PALLD: variants seen among roughly 807,000 people sequenced by gnomAD.
PALLD encodes palladin, cytoskeletal associated protein, also known as palladin.
PALLD carries 61 observed loss-of-function variants against 123.5 expected under a neutral mutation model. The observed-to-expected ratio is 0.49, with a 90% confidence interval of 0.40 to 0.61. PALLD has a LOEUF of 0.61. Ranked by LOEUF, PALLD falls within the 20% of genes least tolerant of loss-of-function variation. PALLD has a pLI of 0.00. For synonymous variants in PALLD, 465 were observed against 496.4 expected, an observed-to-expected ratio of 0.94 and a Z score of 0.84; for missense variants, 1,273 against 1,377.0, an observed-to-expected ratio of 0.92 and a Z score of 1.20.
intron 10 of PALLD, among the ~76,000 whole-genome samples, chr4:168,752,940 AGAG>A (rs551000322): frequency 2.8e-4 from 42 of 152,324 alleles, no homozygotes; most frequent in Admixed American, 2.6e-3. Context: ...AAGAGAAACA[AGAG>A]GAGGAGAAGA....
intron 10 of PALLD, among the ~76,000 whole-genome samples, chr4:168,737,815 G>A (rs1327175869): frequency 2.0e-5 from 3 of 152,216 alleles, no homozygotes; most frequent in Non-Finnish European, 4.4e-5. Flanking sequence ...TCCAAAGGGC[G>A]TAGCTTAGTA....
chr4:168,889,146 G>GTGTGTGTGTGTGTC (rs1174043034), intron 10 of PALLD, among the ~76,000 whole-genome samples: 7 of 146,942 alleles, frequency 4.8e-5, no homozygotes, highest in African/African-American at 1.8e-4. Context: ...TTTTGTGTGT[G>GTGTGTGTGTGTGTC]TGTGTGTGTG....
chr4:168,759,179 CAAAAAAAA>C (rs1175955888), intron 10 of PALLD, among the ~76,000 whole-genome samples: 8 of 9,038 alleles, frequency 8.9e-4, no homozygotes, highest in Middle Eastern at 0.25. Flanking sequence ...GACTCCATCT[CAAAAAAAA>C]AAAAAAAAAA....
At chr4:168,747,971 C>T (rs1041034656) in intron 10 of PALLD, among the ~76,000 whole-genome samples, 1 of 152,206 alleles carries the variant, frequency 6.6e-6, no homozygotes, top group Non-Finnish European at 1.5e-5. Flanking sequence ...TCAATTCCCA[C>T]TTCACATTCC....
intron 10 of PALLD, among the ~76,000 whole-genome samples, chr4:168,761,645 GTTTTTTTTTT>G (rs70961555): frequency 1.5e-4 from 13 of 88,018 alleles, no homozygotes; most frequent in Non-Finnish European, 2.7e-4. Context: ...GTTGTTGTTT[GTTTTTTTTTT>G]TTTTTTTTTT....
intron 2 of PALLD, among the ~76,000 whole-genome samples, chr4:168,600,069 G>GTGTACACACA (rs1561291249): frequency 6.9e-6 from 1 of 144,520 alleles, no homozygotes; most frequent in Non-Finnish European, 1.5e-5. Flanking sequence ...ACATACATGT[G>GTGTACACACA]TATACACACA....
intron 10 of PALLD, among the ~76,000 whole-genome samples, chr4:168,835,903 G>A (rs1229445273): frequency 6.6e-6 from 1 of 152,128 alleles, no homozygotes; most frequent in African/African-American, 2.4e-5. Flanking sequence ...ACCCATTCTT[G>A]TAGAAAAGAC....
intron 2 of PALLD, among the ~76,000 whole-genome samples, chr4:168,595,413 CA>C (rs1413832779): frequency 1.3e-5 from 2 of 152,056 alleles, no homozygotes; most frequent in African/African-American, 2.4e-5. Context: ...TGGTGGGGCC[CA>C]GGGGTCTTCT....
intron 2 of PALLD, among the ~76,000 whole-genome samples, chr4:168,582,892 TAAATG>T (rs1770436809): frequency 1.3e-5 from 2 of 152,208 alleles, no homozygotes; most frequent in Non-Finnish European, 2.9e-5. Flanking sequence ...CAGTGCCTGA[TAAATG>T]AAAGGCTTTG....
intron 2 of PALLD, among the ~76,000 whole-genome samples, chr4:168,557,278 A>G (rs980049103): frequency 3.9e-5 from 6 of 152,114 alleles, no homozygotes; most frequent in South Asian, 2.1e-4. Context: ...TCGTGACCTC[A>G]GGTGATCTGC....
chr4:168,922,888 C>T (rs1761855905), intron 18 of PALLD, among the ~76,000 whole-genome samples: 1 of 152,194 alleles, frequency 6.6e-6, no homozygotes, highest in African/African-American at 2.4e-5. Context: ...TAATTGGAAG[C>T]AAAGTCTTTG....
At position 168,734,827 on chromosome 4, in the gene PALLD, G is replaced by A. The variant is rs184688019; in HGVS notation, c.1964+22904G>A. Reference sequence around the variant, plus strand: ...TAGTCCCAGCTACTTGAGAGGCTGAGACAGGAAGATCACTTGAGCCCAGGA... The same window carrying A: ...TAGTCCCAGCTACTTGAGAGGCTGAAACAGGAAGATCACTTGAGCCCAGGA... On this transcript the variant is annotated intron_variant, in intron 10 of 21. Transcript: ENST00000505667. 2.4e-3 allele frequency among the ~76,000 whole-genome samples: 368 copies of A among 152,226 alleles called. 1 individual carries two copies. Among genetic ancestry groups the A allele is most frequent in the African/African-American group, 8.3e-3 (346 of 41,536 alleles).
intron 2 of PALLD, among the ~76,000 whole-genome samples, chr4:168,514,518 T>C (rs1237488271): frequency 6.6e-6 from 1 of 152,250 alleles, no homozygotes; most frequent in Non-Finnish European, 1.5e-5. Flanking sequence ...AATATGTCGT[T>C]CTAAATTCTG....
chr4:168,542,342 G>A (rs953774782), intron 2 of PALLD, among the ~76,000 whole-genome samples: 5 of 151,886 alleles, frequency 3.3e-5, no homozygotes, highest in African/African-American at 7.3e-5. Flanking sequence ...CTTGACCCTA[G>A]GAGTTCGAGG....
chr4:168,796,796 C>T (rs886978195), intron 10 of PALLD, among the ~76,000 whole-genome samples: 3 of 152,218 alleles, frequency 2.0e-5, no homozygotes, highest in Non-Finnish European at 4.4e-5. Flanking sequence ...TGGATACCCA[C>T]TTACCTTTTC....
intron 3 of PALLD, among the ~76,000 whole-genome samples, chr4:168,680,949 C>A (rs553731011): frequency 6.6e-6 from 1 of 152,294 alleles, no homozygotes; most frequent in East Asian, 1.9e-4. Flanking sequence ...TCAGTCCTTA[C>A]CCTGCAATCT....
intron 2 of PALLD, among the ~76,000 whole-genome samples, chr4:168,555,002 A>AT (rs1190847075): frequency 1.3e-5 from 2 of 152,218 alleles, no homozygotes; most frequent in Non-Finnish European, 2.9e-5. Flanking sequence ...ATTTTGAGTG[A>AT]TTTTTTGTTT....
chr4:168,794,276 G>A (rs1738080914), intron 10 of PALLD, among the ~76,000 whole-genome samples: 1 of 152,158 alleles, frequency 6.6e-6, no homozygotes. Context: ...CAGTGAGAGT[G>A]TCACCCTCTC....
At chr4:168,536,993 A>C (rs959324111) in intron 2 of PALLD, among the ~76,000 whole-genome samples, 1 of 151,948 alleles carries the variant, frequency 6.6e-6, no homozygotes, top group Admixed American at 6.6e-5. Flanking sequence ...ACGCCCGGCT[A>C]ATTTTTTTGT....
Sources: allele counts gnomAD v4.1 joint callset (sites outside exome capture counted in the v4.1 genomes callset), GRCh38; gene constraint gnomAD v4.1.1; transcripts MANE v1.5; gene names NCBI Gene and HGNC (gene_info 2026-07-23, HGNC 2026-07-21).